Variants in EPHB1 observed in about 807,000 individuals in gnomAD.
The protein encoded by EPHB1 is ephrin type-B receptor 1.
In EPHB1, 30 loss-of-function variants were observed where a neutral mutation model predicts 94.4. The observed-to-expected ratio is 0.32, with a 90% CI of 0.24 to 0.43. The LOEUF is 0.43. Among genes scored for constraint, EPHB1 ranks in the 20% least tolerant of loss-of-function variants. The pLI is 1.00. For synonymous variants in EPHB1, 522 were observed against 489.1 expected (o/e 1.07, Z -0.89); for missense variants, 1,055 against 1,308.3 (o/e 0.81, Z 2.99).
At chr3:135,031,630 A>C (rs1266727599) in intron 3 of EPHB1, among the ~76,000 whole-genome samples, 1 of 152,218 alleles carries the variant, frequency 6.6e-6, no homozygotes, top group African/African-American at 2.4e-5. Context: ...TTCAATGCTT[A>C]GCCAAGTAGA....
chr3:135,207,275 C>G (rs1942922363), intron 12 of EPHB1, among the ~76,000 whole-genome samples: 1 of 152,186 alleles, frequency 6.6e-6, no homozygotes, highest in Admixed American at 6.5e-5. Context: ...AGTGATATGG[C>G]CACCTGTCTC....
At chr3:135,211,371 G>C (rs1576471962) in intron 12 of EPHB1, among the ~76,000 whole-genome samples, 1 of 152,172 alleles carries the variant, frequency 6.6e-6, no homozygotes, top group Non-Finnish European at 1.5e-5. Context: ...CCTCAAAATA[G>C]TTATCATTTC....
rs756806407 is a variant in EPHB1 at position 135,259,095 on chromosome 3, G to A, written c.2930G>A (p.Ser977Asn). 1.2e-5 allele frequency: 19 copies of A among 1,609,800 alleles called. No homozygotes were observed. In the East Asian group the frequency reaches 2.9e-4, roughly 25 times the overall value. The change falls in exon 16 of 16, where the codon AGT becomes AAT. Residue 977 changes from serine to asparagine, a missense_variant. Transcript: ENST00000398015. ...ATTCATTCTATGAGGGTCCAGATAAGTCAGTCACCAACGGCAATGGCATGA... is the reference window on the plus strand; with the variant it reads ...ATTCATTCTATGAGGGTCCAGATAAATCAGTCACCAACGGCAATGGCATGA... ...NSIHSMRVQI[S>N]QSPTAMA
At chr3:135,026,155 T>C (rs1398569589) in intron 3 of EPHB1, among the ~76,000 whole-genome samples, 1 of 139,304 alleles carries the variant, frequency 7.2e-6, no homozygotes, top group Non-Finnish European at 1.5e-5. Context: ...TTCTCCCATT[T>C]TGTAGGTTGC....
At chr3:135,022,315 A>G (rs1936015002) in intron 3 of EPHB1, among the ~76,000 whole-genome samples, 1 of 152,222 alleles carries the variant, frequency 6.6e-6, no homozygotes, top group Non-Finnish European at 1.5e-5. Flanking sequence ...TTACATCTGT[A>G]TTAATATGTA....
At chr3:135,041,513 C>T (rs973981425) in intron 3 of EPHB1, among the ~76,000 whole-genome samples, 3 of 152,118 alleles carry the variant, frequency 2.0e-5, no homozygotes, top group Admixed American at 6.5e-5. Flanking sequence ...AGCAGGTTCA[C>T]CCCTATGAAA....
intron 13 of EPHB1, among the ~76,000 whole-genome samples, chr3:135,245,170 C>T (rs1693726569): frequency 6.6e-6 from 1 of 152,166 alleles, no homozygotes; most frequent in South Asian, 2.1e-4. Context: ...GTAATGACAC[C>T]TTCTGTGTGA....
intron 1 of EPHB1, among the ~76,000 whole-genome samples, chr3:134,818,329 C>A (rs956754981): frequency 2.0e-5 from 3 of 152,178 alleles, no homozygotes; most frequent in African/African-American, 7.2e-5. Flanking sequence ...GATGTATGAC[C>A]TTATGGTATG....
chr3:134,855,425 A>G (rs1316537774), intron 1 of EPHB1, among the ~76,000 whole-genome samples: 3 of 152,166 alleles, frequency 2.0e-5, no homozygotes, highest in Non-Finnish European at 2.9e-5. Context: ...AAAGGTGTCC[A>G]TTGGATTGCA....
chr3:135,169,350 T>C (rs1941741874), intron 9 of EPHB1, among the ~76,000 whole-genome samples: 2 of 152,206 alleles, frequency 1.3e-5, no homozygotes, highest in Non-Finnish European at 2.9e-5. Context: ...TTCACTCCCT[T>C]GGCTTCCTTG....
At chr3:135,051,342 G>C (rs1323151405) in intron 3 of EPHB1, among the ~76,000 whole-genome samples, 1 of 152,206 alleles carries the variant, frequency 6.6e-6, no homozygotes, top group Non-Finnish European at 1.5e-5. Flanking sequence ...GGGCCTGGGT[G>C]CTGACCACCT....
chr3:134,917,886 C>T (rs909155795), intron 1 of EPHB1, among the ~76,000 whole-genome samples: 2 of 152,162 alleles, frequency 1.3e-5, no homozygotes, highest in Non-Finnish European at 2.9e-5. Flanking sequence ...CTTAAGAAAA[C>T]ACAGAGCATC....
chr3:135,236,334 ATG>A (rs1943652401), intron 12 of EPHB1, among the ~76,000 whole-genome samples: 1 of 152,008 alleles, frequency 6.6e-6, no homozygotes, highest in Admixed American at 6.6e-5. Flanking sequence ...TCTTATAAGG[ATG>A]CCAGCATGAA....
chr3:134,811,242 G>GGTTTTTTTTTTTTTTTTTTTTTTTTTTT (rs2036168294), intron 1 of EPHB1, among the ~76,000 whole-genome samples: 1 of 73,850 alleles, frequency 1.4e-5, no homozygotes, highest in African/African-American at 4.2e-5. Context: ...TACTAAGAAG[G>GGTTTTTTTTTTTTTTTTTTTTTTTTTTT]TTTTTTTTTT....
intron 3 of EPHB1, among the ~76,000 whole-genome samples, chr3:135,021,805 G>T (rs1188043303): frequency 6.6e-6 from 1 of 152,136 alleles, no homozygotes; most frequent in African/African-American, 2.4e-5. Flanking sequence ...ATGCTAGGAA[G>T]AAAATAACAC....
At chr3:135,145,997 G>A in intron 5 of EPHB1, among the ~76,000 whole-genome samples, 1 of 152,236 alleles carries the variant, frequency 6.6e-6, no homozygotes, top group Non-Finnish European at 1.5e-5. Flanking sequence ...ACAGTGTGAA[G>A]AGGCTAAAAA....
At chr3:134,832,406 G>A (rs2036597057) in intron 1 of EPHB1, among the ~76,000 whole-genome samples, 1 of 152,186 alleles carries the variant, frequency 6.6e-6, no homozygotes, top group African/African-American at 2.4e-5. Context: ...AGATCATGAG[G>A]CAACTAAACT....
chr3:134,978,088 T>C, intron 3 of EPHB1: 1 of 424,158 alleles, frequency 2.4e-6, no homozygotes, highest in Non-Finnish European at 4.6e-6. Context: ...GTGACTTGCT[T>C]GTGGAGCCTC....
chr3:135,039,903 A>G lies in EPHB1; in HGVS notation c.806-66545A>G, dbSNP rs372434619. On this transcript the variant is annotated intron_variant, in intron 3 of 15. Transcript: ENST00000398015. ...GGGGCTGAAGGGCTCCTCAAATGCCACCAAAGTGGGAGCCCAGGCAGGGGA... is the reference window on the plus strand; with the variant it reads ...GGGGCTGAAGGGCTCCTCAAATGCCGCCAAAGTGGGAGCCCAGGCAGGGGA... Among the ~76,000 whole-genome samples the G allele has an allele frequency of 5.9e-5, 9 of 152,272 alleles. No homozygotes were observed. The East Asian group carries it at 9.7e-4, about 16-fold the overall frequency.
Sources: gnomAD v4.1 joint callset for allele counts (sites outside exome capture counted in the v4.1 genomes callset) on GRCh38, gnomAD v4.1.1 for gene constraint, MANE v1.5 for transcripts, NCBI Gene and HGNC (gene_info 2026-07-23, HGNC 2026-07-21) for gene names.